Variants in ABCB1 observed in about 807,000 individuals in gnomAD.
ABCB1 encodes ATP binding cassette subfamily B member 1.
A neutral mutation model predicts 142.0 loss-of-function variants in ABCB1; 69 were observed. The ratio of observed to expected loss-of-function variants is 0.49; its 90% CI spans 0.40 to 0.59. ABCB1 has a LOEUF of 0.59. Among genes scored for constraint, ABCB1 ranks in the 20% least tolerant of loss-of-function variants. The probability of loss-of-function intolerance (pLI) is 0.00; values close to 1 mark genes in which losing one functional copy is unlikely to be tolerated. For missense variants in ABCB1, 1,326 were observed against 1,554.7 expected, an observed-to-expected ratio of 0.85 and a Z score of 2.47; for synonymous variants, 532 against 539.2, an observed-to-expected ratio of 0.99 and a Z score of 0.18.
rs563155079 is a variant in ABCB1, at chr7:87,649,682, T to C, written c.-330-48604A>G. 8.5e-5 allele frequency among the ~76,000 whole-genome samples: 13 copies of C among 152,266 alleles called. No individual in the cohort carries two copies. In the South Asian group the frequency reaches 2.5e-3, roughly 29 times the overall value. ...TTTGCTATTTATAAGCTCATAAAAA[T>C]TTTGGATGTTGAAATGGTTTGTCTG... On this transcript the variant is annotated intron_variant, in intron 1 of 28. Transcript: ENST00000265724.
intron 1 of ABCB1, chr7:87,628,618 TG>T (rs1820855604): frequency 2.6e-5 from 8 of 306,340 alleles, no homozygotes; most frequent in Non-Finnish European, 4.1e-5. Flanking sequence ...TGTGTGTGTG[TG>T]TGTGTGGAGC....
chr7:87,589,164 G>A (rs1818883306), intron 3 of ABCB1, among the ~76,000 whole-genome samples: 1 of 152,130 alleles, frequency 6.6e-6, no homozygotes, highest in South Asian at 2.1e-4. Flanking sequence ...CCCTCACTCT[G>A]TAGTTTATTA....
At chr7:87,581,037 T>C (rs2090667350) in intron 4 of ABCB1, among the ~76,000 whole-genome samples, 1 of 151,830 alleles carries the variant, frequency 6.6e-6, no homozygotes, top group Non-Finnish European at 1.5e-5. Context: ...GGTGTTCCTG[T>C]AGGGATGGGG....
chr7:87,618,797 G>A (rs1820119118), intron 1 of ABCB1, among the ~76,000 whole-genome samples: 1 of 152,108 alleles, frequency 6.6e-6, no homozygotes, highest in African/African-American at 2.4e-5. Flanking sequence ...CTTTAGTTAG[G>A]GGTAGAAGAA....
chr7:87,690,684 G>C (rs1827929792), intron 1 of ABCB1, among the ~76,000 whole-genome samples: 1 of 152,088 alleles, frequency 6.6e-6, no homozygotes, highest in East Asian at 1.9e-4. Flanking sequence ...TAAATACAAA[G>C]TGAAAGATTA....
intron 4 of ABCB1, among the ~76,000 whole-genome samples, chr7:87,580,386 C>G (rs1002276825): frequency 3.3e-5 from 5 of 152,192 alleles, no homozygotes; most frequent in African/African-American, 1.2e-4. Context: ...TCTCTTCAGA[C>G]CTGTAAAGTT....
In ABCB1 at chr7:87,550,255, C is replaced by T. The variant is rs143696486; in HGVS notation, c.1266G>A (p.Thr422=). The T allele has an allele frequency of 1.6e-4, 258 of 1,614,174 alleles. 1 individual carries two copies. Among genetic ancestry groups the T allele is most frequent in the African/African-American group, 2.7e-4 (20 of 75,038 alleles). The change falls in exon 12 of 28, where the codon ACG becomes ACA. Residue 422 remains threonine (T), a synonymous_variant. Coordinates refer to ENST00000622132, the MANE Select transcript of ABCB1 (RefSeq NM_001348946.2). Reference sequence around the variant, plus strand: ...AGCCACTGTTTCCAACCAGGGCCACCGTCTGCCCACTCTGCACCTTCAGGT... The same window carrying T: ...AGCCACTGTTTCCAACCAGGGCCACTGTCTGCCCACTCTGCACCTTCAGGT... ...GLNLKVQSGQ[T]VALVGNSGCG... is the part of the protein sequence containing the mutation.
intron 1 of ABCB1, among the ~76,000 whole-genome samples, chr7:87,671,379 G>C (rs937610108): frequency 1.3e-5 from 2 of 152,162 alleles, no homozygotes; most frequent in African/African-American, 4.8e-5. Context: ...TACTTGCTCG[G>C]TAGCTCTGGT....
intron 4 of ABCB1, among the ~76,000 whole-genome samples, chr7:87,584,765 A>T (rs1039153859): frequency 2.0e-5 from 3 of 152,002 alleles, no homozygotes; most frequent in African/African-American, 7.3e-5. Flanking sequence ...GGGTACTGAC[A>T]CTCAAATTCA....
chr7:87,683,250 T>C (rs1212562399), intron 1 of ABCB1, among the ~76,000 whole-genome samples: 1 of 152,216 alleles, frequency 6.6e-6, no homozygotes, highest in African/African-American at 2.4e-5. Context: ...TTCAGACCAC[T>C]CAAACTTTCT....
intron 4 of ABCB1, among the ~76,000 whole-genome samples, chr7:87,584,373 A>G (rs1381029928): frequency 6.6e-6 from 1 of 152,170 alleles, no homozygotes; most frequent in African/African-American, 2.4e-5. Context: ...GCTAAGTGGT[A>G]TCACTACATT....
intron 1 of ABCB1, chr7:87,628,612 TGTGTGTGTG>T: frequency 4.1e-5 from 15 of 365,234 alleles, no homozygotes; most frequent in African/African-American, 2.5e-4. Flanking sequence ...TGTGTGTGTG[TGTGTGTGTG>T]TGTGGAGCTC....
At chr7:87,513,407 A>G (rs1815103710) in intron 25 of ABCB1, among the ~76,000 whole-genome samples, 1 of 151,262 alleles carries the variant, frequency 6.6e-6, no homozygotes, top group Non-Finnish European at 1.5e-5. Flanking sequence ...ATACTTGCAG[A>G]ATAATCATTA....
intron 1 of ABCB1, among the ~76,000 whole-genome samples, chr7:87,712,938 T>C (rs749510009): frequency 1.3e-5 from 2 of 152,100 alleles, no homozygotes; most frequent in Non-Finnish European, 2.9e-5. Context: ...AGGAAGTAAG[T>C]AGGGAGTTAT....
intron 21 of ABCB1, among the ~76,000 whole-genome samples, chr7:87,526,253 A>G (rs548608485): frequency 6.6e-6 from 1 of 151,726 alleles, no homozygotes; most frequent in Admixed American, 6.6e-5. Context: ...ACATCTGGAC[A>G]CAGTTTTCTC....
intron 1 of ABCB1, among the ~76,000 whole-genome samples, chr7:87,676,861 A>G (rs977853794): frequency 6.6e-6 from 1 of 152,204 alleles, no homozygotes; most frequent in Non-Finnish European, 1.5e-5. Context: ...GCCAACTGAT[A>G]TATGAAAAGA....
At chr7:87,654,257 C>A (rs1386146679) in intron 1 of ABCB1, among the ~76,000 whole-genome samples, 1 of 151,888 alleles carries the variant, frequency 6.6e-6, no homozygotes, top group Non-Finnish European at 1.5e-5. Context: ...TATGGAACCA[C>A]AAAAGACCCT....
intron 20 of ABCB1, among the ~76,000 whole-genome samples, chr7:87,536,010 A>G (rs1816270238): frequency 6.6e-6 from 1 of 152,204 alleles, no homozygotes; most frequent in Non-Finnish European, 1.5e-5. Flanking sequence ...GACTGAAGTT[A>G]TTCTATTCTT....
chr7:87,626,148 ATTGTCATATATATGTGTCATATATAT>A (rs1820465916), intron 1 of ABCB1, among the ~76,000 whole-genome samples: 12 of 120,350 alleles, frequency 1.0e-4, no homozygotes, highest in South Asian at 2.8e-4. Context: ...TGTCATATAT[ATTGTCATATATATGTGTCATATATAT>A]TGTCATATAT....
Sources: gnomAD v4.1 joint callset for allele counts (sites outside exome capture counted in the v4.1 genomes callset) on GRCh38, gnomAD v4.1.1 for gene constraint, MANE v1.5 for transcripts, NCBI Gene and HGNC (gene_info 2026-07-23, HGNC 2026-07-21) for gene names.